Variants in ESRRG observed in about 807,000 individuals in gnomAD.
ESRRG encodes the protein estrogen related receptor gamma.
Under a neutral mutation model 44.0 loss-of-function variants are expected in ESRRG, and 13 were observed. The observed-to-expected ratio is 0.30, with a 90% confidence interval of 0.19 to 0.47. The LOEUF (loss-of-function observed/expected upper bound fraction) is 0.47. ESRRG is among the 20% of genes least tolerant of loss of function. The pLI, the probability that ESRRG is intolerant of heterozygous loss-of-function variation, is 1.00. For synonymous variants in ESRRG, 215 were observed against 214.6 expected (o/e 1.00, Z -0.02); for missense variants, 395 against 580.6 (o/e 0.68, Z 3.29).
chr1:216,793,264 T>G (rs1345297415), intron 2 of ESRRG, among the ~76,000 whole-genome samples: 3 of 152,170 alleles, frequency 2.0e-5, no homozygotes, highest in Non-Finnish European at 4.4e-5. Context: ...TCCCCTATCC[T>G]GGTATTTATA....
At chr1:216,898,941 C>T (rs1041883957) in intron 2 of ESRRG, among the ~76,000 whole-genome samples, 3 of 152,130 alleles carry the variant, frequency 2.0e-5, no homozygotes, top group African/African-American at 7.2e-5. Flanking sequence ...GCCCTAGCCT[C>T]TTCTGCTCAA....
intron 3 of ESRRG, among the ~76,000 whole-genome samples, chr1:216,634,146 T>A (rs2064812949): frequency 6.6e-6 from 1 of 152,194 alleles, no homozygotes. Context: ...CAGCCCAGTA[T>A]CTCTGAAGCA....
At chr1:216,838,221 ACTCCTATCATACATT>A (rs1364957269) in intron 2 of ESRRG, among the ~76,000 whole-genome samples, 1 of 151,444 alleles carries the variant, frequency 6.6e-6, no homozygotes, top group Non-Finnish European at 1.5e-5. Flanking sequence ...TTATGTGTTT[ACTCCTATCATACATT>A]CTCAATATCA....
intron 5 of ESRRG, among the ~76,000 whole-genome samples, chr1:216,555,186 T>G (rs1158989871): frequency 6.6e-6 from 1 of 152,106 alleles, no homozygotes; most frequent in African/African-American, 2.4e-5. Context: ...AGGCTGACAT[T>G]CTTGGGGGAA....
At chr1:217,100,859 C>A (rs1339432741) in intron 1 of ESRRG, among the ~76,000 whole-genome samples, 3 of 152,144 alleles carry the variant, frequency 2.0e-5, no homozygotes, top group Non-Finnish European at 4.4e-5. Flanking sequence ...CCCCATGATC[C>A]AAACACCTCC....
chr1:217,128,855 G>A (rs58317559), intron 1 of ESRRG, among the ~76,000 whole-genome samples: 10,396 of 152,144 alleles, frequency 0.068, 450 homozygotes, highest in East Asian at 0.22. Flanking sequence ...TTTCATGGAT[G>A]TGTAATGTCT....
chr1:216,844,763 A>ATGTG lies in ESRRG; in HGVS notation c.-14+94815_-14+94818dup, dbSNP rs35416075. Among the ~76,000 whole-genome samples the ATGTG allele has an allele frequency of 4.8e-3, 720 of 150,656 alleles. 8 individuals are homozygous for ATGTG. Among genetic ancestry groups the ATGTG allele is most frequent in the African/African-American group, 0.016 (639 of 41,112 alleles). ...TCATGTTTCTTCATAGCATTCGTGC[A>ATGTG]TGTGTGTGTGTGTGTGTGTGGTGTG... On this transcript the variant is annotated intron_variant, in intron 2 of 7. Coordinates refer to the ESRRG transcript ENST00000359162.
At chr1:216,624,371 C>A (rs2062807708) in intron 3 of ESRRG, among the ~76,000 whole-genome samples, 1 of 152,112 alleles carries the variant, frequency 6.6e-6, no homozygotes, top group African/African-American at 2.4e-5. Context: ...CTCTAAGAAA[C>A]CTGTCAAAAT....
intron 2 of ESRRG, among the ~76,000 whole-genome samples, chr1:216,829,211 G>A (rs1158593449): frequency 1.3e-5 from 2 of 152,082 alleles, no homozygotes; most frequent in Non-Finnish European, 2.9e-5. Context: ...TACCTGAAGA[G>A]CACCAGAGCT....
At chr1:217,079,299 G>T (rs2091560996) in intron 1 of ESRRG, among the ~76,000 whole-genome samples, 2 of 152,132 alleles carry the variant, frequency 1.3e-5, no homozygotes, top group African/African-American at 4.8e-5. Flanking sequence ...ATATTATATG[G>T]TATTTTTCAC....
At chr1:216,719,549 C>CA (rs2085719122) in intron 1 of ESRRG, among the ~76,000 whole-genome samples, 1 of 151,694 alleles carries the variant, frequency 6.6e-6, no homozygotes, top group South Asian at 2.1e-4. Flanking sequence ...AGAACAACAA[C>CA]AAAAAAATCT....
intron 2 of ESRRG, among the ~76,000 whole-genome samples, chr1:216,882,421 T>A (rs944830130): frequency 2.0e-5 from 3 of 152,104 alleles, no homozygotes; most frequent in Non-Finnish European, 2.9e-5. Context: ...AAAGCACTGT[T>A]GAATGAAGTA....
chr1:216,722,840 A>G (rs2086646262), intron 1 of ESRRG, among the ~76,000 whole-genome samples: 3 of 152,236 alleles, frequency 2.0e-5, no homozygotes, highest in Non-Finnish European at 4.4e-5. Flanking sequence ...CTGCAAATAC[A>G]TAAGAGGCCC....
intron 1 of ESRRG, among the ~76,000 whole-genome samples, chr1:216,988,905 T>C (rs1042206445): frequency 7.9e-5 from 12 of 152,224 alleles, no homozygotes; most frequent in African/African-American, 2.9e-4. Context: ...AAGGGCCTCA[T>C]GTTTTGAAGT....
chr1:216,766,502 C>G (rs2093084645), intron 2 of ESRRG, among the ~76,000 whole-genome samples: 1 of 152,050 alleles, frequency 6.6e-6, no homozygotes, highest in Non-Finnish European at 1.5e-5. Context: ...AATAAGAAAA[C>G]TGTTCATTCA....
chr1:216,748,251 C>T (rs768619104), intron 2 of ESRRG, among the ~76,000 whole-genome samples: 8 of 152,090 alleles, frequency 5.3e-5, no homozygotes, highest in South Asian at 2.1e-4. Context: ...GCTACCCAGA[C>T]GGAATGGAAA....
chr1:216,658,787 C>T (rs777340115), intron 2 of ESRRG, among the ~76,000 whole-genome samples: 1 of 151,052 alleles, frequency 6.6e-6, no homozygotes, highest in Non-Finnish European at 1.5e-5. Context: ...GAGCTGAAAT[C>T]GTGCCACTGC....
chr1:216,851,893 A>G (rs2095848376), intron 2 of ESRRG, among the ~76,000 whole-genome samples: 1 of 152,184 alleles, frequency 6.6e-6, no homozygotes, highest in East Asian at 1.9e-4. Flanking sequence ...GTGGGGCCAC[A>G]CTGATATCAA....
intron 2 of ESRRG, among the ~76,000 whole-genome samples, chr1:216,799,570 A>T (rs975568229): frequency 5.3e-5 from 8 of 152,192 alleles, no homozygotes; most frequent in African/African-American, 1.9e-4. Context: ...TGTAGAAGTT[A>T]TGAATGGTTT....
Sources: allele counts gnomAD v4.1 joint callset (sites outside exome capture counted in the v4.1 genomes callset), GRCh38; gene constraint gnomAD v4.1.1; transcripts MANE v1.5; gene names NCBI Gene and HGNC (gene_info 2026-07-23, HGNC 2026-07-21).